The following FGF13 variants were observed in gnomAD, a reference collection of about 807,000 sequenced individuals.
FGF13 encodes fibroblast growth factor homologous factor 2.
Under a neutral mutation model 19.5 loss-of-function variants are expected in FGF13, and 2 were observed. That is an observed-to-expected ratio of 0.10 (90% CI 0.04 to 0.32). The LOEUF is 0.32. FGF13 is among the 10% of genes least tolerant of loss of function. The probability of loss-of-function intolerance (pLI) is 1.00; values close to 1 mark genes in which losing one functional copy is unlikely to be tolerated. For missense variants in FGF13, 113 were observed against 192.7 expected (o/e 0.59, Z 2.45); for synonymous variants, 72 against 76.9 (o/e 0.94, Z 0.33).
intron 3 of FGF13, among the ~76,000 whole-genome samples, chrX:138,667,509 T>G (rs1777182085): frequency 9.0e-6 from 1 of 111,123 alleles, no homozygotes; most frequent in African/African-American, 3.3e-5. Context: ...AATTAGAAAC[T>G]TAACATTCTT....
At chrX:138,898,514 T>A (rs1271028101) in intron 1 of FGF13, among the ~76,000 whole-genome samples, 1 of 112,154 alleles carries the variant, frequency 8.9e-6, no homozygotes, top group African/African-American at 3.2e-5. Context: ...CCACTTTATG[T>A]CCCAGTTCTT....
At chrX:139,051,296 C>A (rs1236843395) in intron 1 of FGF13, among the ~76,000 whole-genome samples, 8 of 111,973 alleles carry the variant, frequency 7.1e-5, no homozygotes, top group Non-Finnish European at 1.9e-5. Context: ...ATGTCACAAA[C>A]ACCTACTTTG....
rs777618591 is a variant in FGF13 at position 138,620,807 on chromosome X, T to C, written c.*12043A>G. On this transcript the variant is annotated 3_prime_UTR_variant, in exon 5 of 5. Transcript: ENST00000315930. ...AGATTAAAAAGATATTGCATGTAAA[T>C]AGAAACCAGAAAGAAGCAGAGACAC... 2.7e-5 allele frequency: 3 copies of C among 111,208 alleles called. No homozygotes were observed. Among genetic ancestry groups the C allele is most frequent in the Admixed American group, 1.9e-4 (2 of 10,426 alleles). The allele number at this position is 111,208 out of a possible 1,213,427, so 9.2% of individuals were successfully genotyped here.
At chrX:139,066,176 T>C (rs1269286283) in intron 1 of FGF13, among the ~76,000 whole-genome samples, 3 of 111,005 alleles carry the variant, frequency 2.7e-5, no homozygotes, top group Non-Finnish European at 5.7e-5. Context: ...TAAAACAGTG[T>C]TTAGAAGGAA....
At chrX:139,093,278 G>A (rs1012924626) in intron 1 of FGF13, among the ~76,000 whole-genome samples, 2 of 111,935 alleles carry the variant, frequency 1.8e-5, no homozygotes, top group South Asian at 3.8e-4. Context: ...CTCAGCTTTC[G>A]CAGCCATGTG....
At chrX:139,185,738 A>C (rs2148273824) in intron 1 of FGF13, among the ~76,000 whole-genome samples, 1 of 111,980 alleles carries the variant, frequency 8.9e-6, no homozygotes, top group South Asian at 3.8e-4. Flanking sequence ...TATAAACACT[A>C]AATGATTATG....
chrX:138,651,680 A>T (rs1006880592), intron 3 of FGF13, among the ~76,000 whole-genome samples: 2 of 111,602 alleles, frequency 1.8e-5, no homozygotes, highest in African/African-American at 6.5e-5. Flanking sequence ...AAATGAGTGT[A>T]CTCATTATTT....
intron 1 of FGF13, among the ~76,000 whole-genome samples, chrX:139,157,364 AC>A (rs1437269632): frequency 9.0e-6 from 1 of 111,601 alleles, no homozygotes; most frequent in African/African-American, 3.3e-5. Context: ...TATCTGAGAG[AC>A]CTCTGCTATG....
intron 3 of FGF13, among the ~76,000 whole-genome samples, chrX:138,697,720 AT>A (rs1242286917): frequency 4.5e-5 from 5 of 111,567 alleles, no homozygotes; most frequent in South Asian, 3.8e-4. Flanking sequence ...AATAAAAAAA[AT>A]AATAGTAATG....
At chrX:138,988,154 T>C (rs977926451) in intron 1 of FGF13, among the ~76,000 whole-genome samples, 14 of 111,861 alleles carry the variant, frequency 1.3e-4, no homozygotes, top group Non-Finnish European at 1.9e-5. Flanking sequence ...ATCTTGGTCT[T>C]CCAAAATCTC....
intron 1 of FGF13, among the ~76,000 whole-genome samples, chrX:138,952,739 C>A (rs994376536): frequency 1.1e-4 from 12 of 111,478 alleles, no homozygotes; most frequent in Non-Finnish European, 1.1e-4. Flanking sequence ...AAGAAAAAAA[C>A]AAACAACCCC....
rs981671810 is a variant in FGF13, at chrX:138,623,453, T to G, written c.*9397A>C. The G allele has an allele frequency of 5.4e-5, 6 of 111,637 alleles. No individual in the cohort carries two copies. The highest frequency in any genetic ancestry group is 1.1e-4 in the Non-Finnish European group (6 of 53,196). 9.2% of individuals were successfully genotyped at this position (111,637 alleles called of 1,213,427 possible). A position where few individuals can be genotyped will look rare whatever the true frequency, so the allele number is the denominator to read the frequency against. ...ATCAACATAAAAAATCAGTTGTTTCTGTACACTAACAATGAACTATCCAAA... is the reference window on the plus strand; with the variant it reads ...ATCAACATAAAAAATCAGTTGTTTCGGTACACTAACAATGAACTATCCAAA... On this transcript the variant is annotated 3_prime_UTR_variant, in exon 5 of 5. Transcript: ENST00000315930.
chrX:138,862,952 G>T (rs2091297197), intron 2 of FGF13, among the ~76,000 whole-genome samples: 1 of 110,699 alleles, frequency 9.0e-6, no homozygotes, highest in East Asian at 2.8e-4. Flanking sequence ...TCCCTACCAT[G>T]CTGGCCCCTC....
intron 1 of FGF13, among the ~76,000 whole-genome samples, chrX:139,194,078 C>T: frequency 8.9e-6 from 1 of 111,894 alleles, no homozygotes; most frequent in Non-Finnish European, 1.9e-5. Context: ...GTTCACACCC[C>T]AGGCACAAAT....
chrX:138,708,788 G>A (rs770698977), intron 2 of FGF13, 30 bp downstream of exon 2: 1 of 903,290 alleles, frequency 1.1e-6, no homozygotes, highest in East Asian at 3.1e-5. Flanking sequence ...CAACATGCTG[G>A]CATATACTAT....
In FGF13 at chrX:139,046,235, C is replaced by T. The variant is rs1390475084; in HGVS notation, c.-113+157181G>A. Among the ~76,000 whole-genome samples the T allele has an allele frequency of 2.7e-5, 3 of 110,580 alleles. 1 individual carries two copies. Among genetic ancestry groups the T allele is most frequent in the African/African-American group, 6.6e-5 (2 of 30,218 alleles). On this transcript the variant is annotated intron_variant, in intron 1 of 2. Coordinates refer to the FGF13 transcript ENST00000421460. ...GCAGGAGCAAGCAAGAGAGTGGGGT[C>T]GGAGGTGCCACACACTTTTAGATGA...
intron 3 of FGF13, among the ~76,000 whole-genome samples, chrX:138,809,125 T>G (rs183886623): frequency 6.3e-4 from 70 of 111,721 alleles, no homozygotes; most frequent in Non-Finnish European, 1.2e-3. Flanking sequence ...TACCAAAATC[T>G]GGCAGAGACA....
At chrX:138,782,093 T>C (rs1314795545) in intron 3 of FGF13, among the ~76,000 whole-genome samples, 1 of 111,688 alleles carries the variant, frequency 9.0e-6, no homozygotes, top group African/African-American at 3.3e-5. Flanking sequence ...AAAAGGCCTT[T>C]GACAAAATTC....
intron 1 of FGF13, among the ~76,000 whole-genome samples, chrX:138,895,303 G>C (rs751727902): frequency 3.2e-4 from 36 of 111,915 alleles, no homozygotes; most frequent in Non-Finnish European, 1.3e-4. Context: ...GGGAGGAAGG[G>C]TGAGGACACT....
Sources: gnomAD v4.1 joint callset for allele counts (sites outside exome capture counted in the v4.1 genomes callset) on GRCh38, gnomAD v4.1.1 for gene constraint, MANE v1.5 for transcripts, NCBI Gene and HGNC (gene_info 2026-07-23, HGNC 2026-07-21) for gene names.